The following HDAC9 variants were observed in gnomAD, a reference collection of about 807,000 sequenced individuals.
The protein encoded by HDAC9 is MEF-2 interacting transcription repressor (MITR) protein.
In HDAC9, 41 loss-of-function variants were observed where a neutral mutation model predicts 139.4. The ratio of observed to expected loss-of-function variants is 0.29; its 90% CI spans 0.23 to 0.38. The LOEUF is 0.38. HDAC9 is among the 10% of genes least tolerant of loss of function. The probability of loss-of-function intolerance (pLI) is 1.00; values close to 1 mark genes in which losing one functional copy is unlikely to be tolerated. For missense variants in HDAC9, 1,147 were observed against 1,297.0 expected (o/e 0.88, Z 1.78); for synonymous variants, 517 against 476.2 (o/e 1.09, Z -1.12).
At chr7:18,292,397 C>T (rs1248556209) in intron 1 of HDAC9, among the ~76,000 whole-genome samples, 1 of 152,078 alleles carries the variant, frequency 6.6e-6, no homozygotes, top group Admixed American at 6.6e-5. Context: ...CGTGGTTTTG[C>T]TCTTAGGCTT....
At chr7:18,642,482 T>C (rs528969660) in intron 8 of HDAC9, among the ~76,000 whole-genome samples, 2 of 152,214 alleles carry the variant, frequency 1.3e-5, no homozygotes, top group Non-Finnish European at 2.9e-5. Flanking sequence ...TGGTCCCACA[T>C]GGAAGCAAAA....
At chr7:18,782,867 T>A (rs541910541) in intron 16 of HDAC9, among the ~76,000 whole-genome samples, 1 of 152,150 alleles carries the variant, frequency 6.6e-6, no homozygotes, top group South Asian at 2.1e-4. Flanking sequence ...TGAATGAACT[T>A]GCCCGTGTTT....
chr7:18,165,798 CAAAA>C (rs59376151), intron 2 of HDAC9, among the ~76,000 whole-genome samples: 1 of 97,532 alleles, frequency 1.0e-5, no homozygotes, highest in Non-Finnish European at 2.2e-5. Context: ...GACCCTGTCT[CAAAA>C]AAAAAAAAAA....
At chr7:18,140,636 G>T (rs1423233024) in intron 1 of HDAC9, among the ~76,000 whole-genome samples, 1 of 152,092 alleles carries the variant, frequency 6.6e-6, no homozygotes, top group Non-Finnish European at 1.5e-5. Flanking sequence ...TATGATAACA[G>T]ATTTTTAAAA....
chr7:18,138,964 A>G (rs1217649900), intron 1 of HDAC9, among the ~76,000 whole-genome samples: 1 of 152,182 alleles, frequency 6.6e-6, no homozygotes, highest in Non-Finnish European at 1.5e-5. Flanking sequence ...GCTTACTAGC[A>G]GTTCTAGTAA....
At chr7:18,160,088 T>G (rs961026173) in intron 1 of HDAC9, among the ~76,000 whole-genome samples, 3 of 152,160 alleles carry the variant, frequency 2.0e-5, no homozygotes, top group Admixed American at 2.0e-4. Context: ...TGTTGGAAAT[T>G]ATTGGTTAAA....
chr7:18,815,792 G>C (rs1244915253), intron 17 of HDAC9, among the ~76,000 whole-genome samples: 1 of 152,172 alleles, frequency 6.6e-6, no homozygotes, highest in Non-Finnish European at 1.5e-5. Context: ...CCTTGAGCTG[G>C]CTCAAAGAAA....
intron 14 of HDAC9, among the ~76,000 whole-genome samples, chr7:18,755,923 A>G (rs550666635): frequency 6.6e-6 from 1 of 152,284 alleles, no homozygotes; most frequent in African/African-American, 2.4e-5. Context: ...CCGTCCACCA[A>G]TATTTTAACC....
At chr7:18,415,914 A>G (rs1189399968) in intron 1 of HDAC9, among the ~76,000 whole-genome samples, 2 of 152,158 alleles carry the variant, frequency 1.3e-5, no homozygotes, top group Admixed American at 1.3e-4. Context: ...TAAATCATCT[A>G]TGCATTTTTT....
intron 11 of HDAC9, among the ~76,000 whole-genome samples, chr7:18,651,707 T>C (rs1789330267): frequency 1.3e-5 from 2 of 152,174 alleles, no homozygotes; most frequent in Admixed American, 6.6e-5. Context: ...GTAACTGTTA[T>C]TAATCATACA....
At chr7:18,569,095 T>C (rs1262515557) in intron 2 of HDAC9, among the ~76,000 whole-genome samples, 1 of 151,926 alleles carries the variant, frequency 6.6e-6, no homozygotes, top group African/African-American at 2.4e-5. Flanking sequence ...GGCTATAGAT[T>C]GATTCTCAGG....
At chr7:18,550,825 A>G (rs921632849) in intron 2 of HDAC9, among the ~76,000 whole-genome samples, 3 of 152,178 alleles carry the variant, frequency 2.0e-5, no homozygotes, top group African/African-American at 7.2e-5. Context: ...TAGGAAAGAA[A>G]GATCTGACTA....
At chr7:18,613,721 A>G (rs926913103) in intron 6 of HDAC9, among the ~76,000 whole-genome samples, 1 of 152,122 alleles carries the variant, frequency 6.6e-6, no homozygotes, top group African/African-American at 2.4e-5. Context: ...ATGATGTTAT[A>G]AAAATGTGTA....
chr7:18,864,856 A>C (rs1250661735), intron 21 of HDAC9, among the ~76,000 whole-genome samples: 1 of 152,304 alleles, frequency 6.6e-6, no homozygotes, highest in African/African-American at 2.4e-5. Flanking sequence ...CAGTGAGAAT[A>C]TATTTAATGC....
intron 22 of HDAC9, among the ~76,000 whole-genome samples, chr7:18,878,936 T>C (rs7811991): frequency 0.31 from 46,880 of 152,020 alleles, 7,385 homozygotes; most frequent in East Asian, 0.47. Flanking sequence ...AAAGCTCCTT[T>C]GGCTGACAAA....
intron 2 of HDAC9, among the ~76,000 whole-genome samples, chr7:18,204,929 G>A (rs1049052384): frequency 1.3e-5 from 2 of 151,744 alleles, no homozygotes; most frequent in Non-Finnish European, 2.9e-5. Context: ...TTGACTCTAG[G>A]TTTAAAAAGT....
chr7:18,816,603 T>G (rs1245721124), intron 17 of HDAC9, among the ~76,000 whole-genome samples: 1 of 152,112 alleles, frequency 6.6e-6, no homozygotes, highest in African/African-American at 2.4e-5. Flanking sequence ...CCAAGGGAGG[T>G]GATGCAGGAG....
At chr7:18,563,445 A>G (rs866100717) in intron 2 of HDAC9, among the ~76,000 whole-genome samples, 1 of 151,882 alleles carries the variant, frequency 6.6e-6, no homozygotes, top group Non-Finnish European at 1.5e-5. Flanking sequence ...TTTTGTTGTT[A>G]TTGTTAGCTT....
intron 25 of HDAC9, among the ~76,000 whole-genome samples, chr7:18,993,188 A>G (rs374452794): frequency 7.2e-4 from 89 of 123,460 alleles, no homozygotes; most frequent in African/African-American, 2.6e-3. Flanking sequence ...AGCTAGGGCT[A>G]TGAGAAGAGA....
Sources: allele counts gnomAD v4.1 joint callset (sites outside exome capture counted in the v4.1 genomes callset), GRCh38; gene constraint gnomAD v4.1.1; transcripts MANE v1.5; gene names NCBI Gene and HGNC (gene_info 2026-07-23, HGNC 2026-07-21).